Variants in SLC35D4 observed in about 807,000 individuals in gnomAD.
SLC35D4 encodes solute carrier family 35 member D4, also known as UDP-N-acetylglucosamine transporter SLC35D4.
chr18:23,373,808 C>G, the SLC35D4 span: 1 of 1,600,588 alleles, frequency 6.2e-7, no homozygotes, highest in Non-Finnish European at 8.5e-7. Flanking sequence ...CTTTCAACAT[C>G]AAAGGTTTCC....
At chr18:23,308,077 T>C in the SLC35D4 span, among the ~76,000 whole-genome samples, 2 of 152,118 alleles carry the variant, frequency 1.3e-5, no homozygotes, top group African/African-American at 4.8e-5. Flanking sequence ...GTCAGAACTG[T>C]CAGGGAGGAA....
At chr18:23,290,858 G>A in the SLC35D4 span, among the ~76,000 whole-genome samples, 1 of 150,580 alleles carries the variant, frequency 6.6e-6, no homozygotes, top group South Asian at 2.1e-4. Flanking sequence ...GGCTGGTCTC[G>A]AACTCCTGAC....
chr18:23,380,978 C>A, the SLC35D4 span, among the ~76,000 whole-genome samples: 1 of 152,094 alleles, frequency 6.6e-6, no homozygotes, highest in Non-Finnish European at 1.5e-5. Context: ...ACAAAATAGC[C>A]CTCATGGTAA....
At chr18:23,311,074 C>T in the SLC35D4 span, among the ~76,000 whole-genome samples, 7 of 151,342 alleles carry the variant, frequency 4.6e-5, no homozygotes, top group Non-Finnish European at 8.8e-5. Context: ...TGAGCTGATG[C>T]GCATGATGAA....
At chr18:23,268,803 C>T in the SLC35D4 span, among the ~76,000 whole-genome samples, 98 of 149,484 alleles carry the variant, frequency 6.6e-4, 1 homozygote, top group South Asian at 5.7e-3. Context: ...TGTGTGTGTG[C>T]GTGTGTGTGT....
the SLC35D4 span, among the ~76,000 whole-genome samples, chr18:23,399,013 G>C: frequency 1.3e-5 from 2 of 152,158 alleles, no homozygotes; most frequent in Admixed American, 6.5e-5. Context: ...AATGTATCTG[G>C]AAGTAACTTA....
chr18:23,239,196 A>G, the SLC35D4 span, among the ~76,000 whole-genome samples: 2 of 152,222 alleles, frequency 1.3e-5, no homozygotes, highest in Admixed American at 1.3e-4. Flanking sequence ...ACTGTGCTAG[A>G]AGACTTGCCA....
the SLC35D4 span, among the ~76,000 whole-genome samples, chr18:23,429,323 C>A: frequency 6.6e-6 from 1 of 152,064 alleles, no homozygotes; most frequent in Non-Finnish European, 1.5e-5. Flanking sequence ...AGTGTATAAA[C>A]GTTTCCTTTT....
At chr18:23,254,187 T>C in the SLC35D4 span, among the ~76,000 whole-genome samples, 4 of 152,196 alleles carry the variant, frequency 2.6e-5, no homozygotes, top group Admixed American at 2.0e-4. Context: ...TCAGACACCA[T>C]GTGAGATGCA....
chr18:23,346,842 A>C, the SLC35D4 span, among the ~76,000 whole-genome samples: 3 of 152,236 alleles, frequency 2.0e-5, no homozygotes, highest in Non-Finnish European at 4.4e-5. Flanking sequence ...TTTGTATGTT[A>C]AACCAACTAT....
At chr18:23,275,976 G>A in the SLC35D4 span, among the ~76,000 whole-genome samples, 1 of 152,168 alleles carries the variant, frequency 6.6e-6, no homozygotes, top group African/African-American at 2.4e-5. Flanking sequence ...AGTGGGCTGG[G>A]GTTTCTGTTA....
the SLC35D4 span, among the ~76,000 whole-genome samples, chr18:23,270,738 T>C: frequency 6.6e-6 from 1 of 152,230 alleles, no homozygotes; most frequent in Non-Finnish European, 1.5e-5. Flanking sequence ...TCTGGTCTCC[T>C]ACACAGCCGG....
At chr18:23,262,733 G>T in the SLC35D4 span, among the ~76,000 whole-genome samples, 1 of 152,232 alleles carries the variant, frequency 6.6e-6, no homozygotes, top group Non-Finnish European at 1.5e-5. Context: ...AAGGCAGCAG[G>T]GTTGGAAATC....
chr18:23,271,048 G>C, the SLC35D4 span, among the ~76,000 whole-genome samples: 1 of 152,184 alleles, frequency 6.6e-6, no homozygotes, highest in African/African-American at 2.4e-5. Context: ...TTGAATTGTA[G>C]CTCCTATAAT....
the SLC35D4 span, among the ~76,000 whole-genome samples, chr18:23,338,905 C>T: frequency 7.6e-4 from 115 of 152,258 alleles, no homozygotes; most frequent in African/African-American, 2.7e-3. Flanking sequence ...ATAAGTGTAA[C>T]AAGGTCTCAC....
At chr18:23,360,785 T>C in the SLC35D4 span, among the ~76,000 whole-genome samples, 2 of 152,144 alleles carry the variant, frequency 1.3e-5, no homozygotes, top group African/African-American at 4.8e-5. Context: ...TTTAAAGTAC[T>C]ACCAAATAAC....
chr18:23,290,709 C>G, the SLC35D4 span, among the ~76,000 whole-genome samples: 300 of 151,938 alleles, frequency 2.0e-3, 2 homozygotes, highest in African/African-American at 7.1e-3. Flanking sequence ...CCACTGCAAC[C>G]TCCACTTCTT....
At chr18:23,331,535 C>CG in the SLC35D4 span, 1 of 152,256 alleles carries the variant, frequency 6.6e-6, no homozygotes, top group African/African-American at 2.4e-5. Flanking sequence ...GCTTTCTGAG[C>CG]GCCGCACCAT....
At chr18:23,356,045 G>A in the SLC35D4 span, among the ~76,000 whole-genome samples, 1 of 152,164 alleles carries the variant, frequency 6.6e-6, no homozygotes, top group Non-Finnish European at 1.5e-5. The surrounding 1 kb of genome is among the most constrained non-coding windows in gnomAD (Gnocchi z 4.1). Context: ...CCTCCAACTG[G>A]CCTATATCCC....
Sources: allele counts gnomAD v4.1 joint callset (sites outside exome capture counted in the v4.1 genomes callset), GRCh38; gene constraint gnomAD v4.1.1; non-coding constraint Gnocchi (gnomAD v3.1); transcripts MANE v1.5; gene names NCBI Gene and HGNC (gene_info 2026-07-23, HGNC 2026-07-21).